BMAL1: variants seen among roughly 807,000 people sequenced by gnomAD.
BMAL1 encodes the protein basic helix-loop-helix ARNT like 1.
At chr11:13,299,790 C>T in the BMAL1 span, among the ~76,000 whole-genome samples, 1 of 152,094 alleles carries the variant, frequency 6.6e-6, no homozygotes, top group Non-Finnish European at 1.5e-5. Flanking sequence ...GCTGAGGTGC[C>T]CAGTTTCTTG....
At chr11:13,310,760 C>T in the BMAL1 span, among the ~76,000 whole-genome samples, 1 of 152,202 alleles carries the variant, frequency 6.6e-6, no homozygotes, top group South Asian at 2.1e-4. Context: ...ACCCTAAATG[C>T]CCGGCTAAGG....
the BMAL1 span, among the ~76,000 whole-genome samples, chr11:13,286,584 T>TTTC: frequency 6.6e-6 from 1 of 152,226 alleles, no homozygotes; most frequent in Admixed American, 6.5e-5. Context: ...CTGCCTCTGA[T>TTTC]TTCTTCTTGA....
the BMAL1 span, among the ~76,000 whole-genome samples, chr11:13,357,737 A>G: frequency 3.9e-5 from 6 of 152,218 alleles, no homozygotes; most frequent in Non-Finnish European, 8.8e-5. The surrounding 1 kb of genome is among the most constrained non-coding windows in gnomAD (Gnocchi z 4.8). Context: ...ATGGCTCTGT[A>G]TCTGCGGCAG....
At chr11:13,358,233 T>TA in the BMAL1 span, among the ~76,000 whole-genome samples, 3 of 152,290 alleles carry the variant, frequency 2.0e-5, no homozygotes, top group East Asian at 1.9e-4. Flanking sequence ...GAGGTAAACA[T>TA]AAAAAAATTA....
At chr11:13,287,264 C>T in the BMAL1 span, among the ~76,000 whole-genome samples, 1 of 152,182 alleles carries the variant, frequency 6.6e-6, no homozygotes, top group African/African-American at 2.4e-5. Context: ...TAAGGGATGC[C>T]TCATAGAGAG....
the BMAL1 span, among the ~76,000 whole-genome samples, chr11:13,307,195 A>G: frequency 1.1e-4 from 17 of 152,344 alleles, no homozygotes; most frequent in Admixed American, 1.1e-3. Flanking sequence ...TTACTGTAAT[A>G]GATTTTGAAG....
the BMAL1 span, among the ~76,000 whole-genome samples, chr11:13,312,170 C>A: frequency 6.6e-5 from 10 of 152,266 alleles, no homozygotes; most frequent in East Asian, 1.9e-3. Flanking sequence ...GTGCTAAGTG[C>A]TATTGTGTAT....
the BMAL1 span, chr11:13,358,687 C>T: frequency 7.8e-7 from 1 of 1,287,160 alleles, no homozygotes; most frequent in Non-Finnish European, 1.0e-6. Flanking sequence ...ATGTTTATTA[C>T]TTGCAATTAT....
At chr11:13,320,089 C>T in the BMAL1 span, among the ~76,000 whole-genome samples, 1 of 152,214 alleles carries the variant, frequency 6.6e-6, no homozygotes, top group Non-Finnish European at 1.5e-5. Flanking sequence ...GAAACCTTAG[C>T]ATTTGGGAAG....
the BMAL1 span, among the ~76,000 whole-genome samples, chr11:13,296,058 G>C: frequency 6.6e-6 from 1 of 152,208 alleles, no homozygotes; most frequent in Non-Finnish European, 1.5e-5. Flanking sequence ...ACTACCCAGA[G>C]GAGCTTGGTG....
At chr11:13,365,282 AACACACACAC>A in the BMAL1 span, 85 of 182,816 alleles carry the variant, frequency 4.6e-4, no homozygotes, top group Non-Finnish European at 5.4e-4. Context: ...GATATGCAGA[AACACACACAC>A]ACACACACAC....
the BMAL1 span, among the ~76,000 whole-genome samples, chr11:13,302,693 A>G: frequency 1.3e-5 from 2 of 152,172 alleles, no homozygotes; most frequent in African/African-American, 4.8e-5. Flanking sequence ...CTTAAAAGGC[A>G]CAAAGTGATC....
chr11:13,310,725 T>C, the BMAL1 span, among the ~76,000 whole-genome samples: 3 of 152,226 alleles, frequency 2.0e-5, no homozygotes, highest in Admixed American at 6.5e-5. Context: ...GCCTGCGGGA[T>C]GTAGTTTGCC....
At chr11:13,346,898 C>T in the BMAL1 span, among the ~76,000 whole-genome samples, 1 of 152,212 alleles carries the variant, frequency 6.6e-6, no homozygotes, top group African/African-American at 2.4e-5. Flanking sequence ...GCAAGGATAC[C>T]CTCTCAAAGG....
chr11:13,294,039 A>G, the BMAL1 span, among the ~76,000 whole-genome samples: 17 of 152,232 alleles, frequency 1.1e-4, no homozygotes, highest in Non-Finnish European at 2.1e-4. Flanking sequence ...TAATGTTTCT[A>G]TCTTCTGGGC....
the BMAL1 span, among the ~76,000 whole-genome samples, chr11:13,386,230 T>G: frequency 6.6e-6 from 1 of 152,242 alleles, no homozygotes; most frequent in Admixed American, 6.5e-5. Flanking sequence ...CCCTTCCTAT[T>G]TGCCTTTCTT....
the BMAL1 span, among the ~76,000 whole-genome samples, chr11:13,328,450 TTTCCAG>T: frequency 6.6e-6 from 1 of 152,188 alleles, no homozygotes; most frequent in South Asian, 2.1e-4. Flanking sequence ...CTTTGGAACA[TTTCCAG>T]TGAACCGTGG....
the BMAL1 span, among the ~76,000 whole-genome samples, chr11:13,281,455 G>A: frequency 3.9e-5 from 6 of 152,228 alleles, no homozygotes; most frequent in Non-Finnish European, 7.3e-5. Flanking sequence ...AAACTTTGTC[G>A]TGAGTTCCTG....
At chr11:13,367,582 TC>T in the BMAL1 span, among the ~76,000 whole-genome samples, 1 of 151,872 alleles carries the variant, frequency 6.6e-6, no homozygotes, top group African/African-American at 2.4e-5. Context: ...GTGCCTGTAA[TC>T]CAAGCTACTT....
Sources: gnomAD v4.1 joint callset for allele counts (sites outside exome capture counted in the v4.1 genomes callset) on GRCh38, gnomAD v4.1.1 for gene constraint, Gnocchi (gnomAD v3.1) non-coding constraint, MANE v1.5 for transcripts, NCBI Gene and HGNC (gene_info 2026-07-23, HGNC 2026-07-21) for gene names.